BCL10: variants seen among roughly 807,000 people sequenced by gnomAD.
BCL10 encodes the protein BCL10 immune signaling adaptor, also known as B-cell lymphoma/leukemia 10.
BCL10 carries 5 observed loss-of-function variants against 19.2 expected under a neutral mutation model. The observed-to-expected ratio is 0.26, with a 90% confidence interval of 0.14 to 0.55. BCL10 has a LOEUF of 0.55. Ranked by LOEUF, BCL10 falls within the 20% of genes least tolerant of loss-of-function variation. BCL10 has a pLI of 0.94. For synonymous variants in BCL10, 110 were observed against 98.8 expected (o/e 1.11, Z -0.67); for missense variants, 201 against 271.9 (o/e 0.74, Z 1.83).
In BCL10 at chr1:85,276,575, C is replaced by T; in HGVS notation, c.-223G>A. 1 of 599,490 alleles carries T rather than the reference C, an allele frequency of 1.7e-6. No individual in the cohort carries two copies. The highest frequency in any genetic ancestry group is 3.0e-6 in the Non-Finnish European group (1 of 337,980). The allele number at this position is 599,490 out of a possible 1,614,324, so 37.1% of individuals were successfully genotyped here. A position where few individuals can be genotyped will look rare whatever the true frequency, so the allele number is the denominator to read the frequency against. On this transcript the variant is annotated 5_prime_UTR_variant, in exon 1 of 3. Transcript: ENST00000648566. The stretch of plus-strand genomic sequence containing the variant: ...TCGACGGCGACGCGAATCTACGCGA[C>T]GCGACGCGGAGCTCGGAGCAGCGTT...
rs756231389 is a variant in BCL10, at chr1:85,270,678, T to C, written c.286A>G (p.Ile96Val). The change falls in exon 2 of 3, where the codon ATA becomes GTA. Residue 96 changes from isoleucine to valine, a missense_variant. Physicochemically the swap from Ile to Val is conservative, Grantham distance 29 (BLOSUM62 3). Transcript: ENST00000648566. ...IRREKTQNFL[I>V]QKITDEVLKL... ...AGCACTTCATCTGTAATCTTCTGTA[T>C]CAGGAAGTTCTGTGTTTTTTCTCGC... 1.1e-5 allele frequency: 17 copies of C among 1,613,332 alleles called. No homozygotes were observed. In the Admixed American group the frequency reaches 1.7e-4, roughly 16 times the overall value.
intron 2 of BCL10, among the ~76,000 whole-genome samples, chr1:85,268,584 A>G (rs1258478992): frequency 1.3e-5 from 2 of 152,158 alleles, no homozygotes; most frequent in Non-Finnish European, 2.9e-5. Flanking sequence ...CCTGGCCAAC[A>G]TGGCGAAACC....
rs767254446 is a variant in BCL10 at position 85,267,809 on chromosome 1, A to T, written c.520T>A (p.Leu174Met). 1 of 1,614,094 alleles carries T rather than the reference A, an allele frequency of 6.2e-7. No homozygotes were observed. Among genetic ancestry groups the T allele is most frequent in the South Asian group, 1.1e-5 (1 of 91,088 alleles). The stretch of plus-strand genomic sequence containing the variant: ...GTTCTGCCTACTTCTAGAACAGGCA[A>T]ATTCAGAGAAGAATTAGTAGAAAAA... ...PFFSTNSSLN[L>M]PVLEVGRTEN... The change falls in exon 3 of 3, where the codon TTG (leucine) becomes ATG (methionine). Residue 174 changes from leucine (L) to methionine (M), a missense_variant. Physicochemically the swap from Leu to Met is conservative, Grantham distance 15. This residue lies in a region of BCL10 where 126 missense variants were observed against 136.6 expected (regional missense o/e 0.92). Transcript: ENST00000648566.
rs2100743592 is a variant in BCL10, at chr1:85,267,883, G to A, written c.446C>T (p.Ala149Val). Residue 149 changes from alanine to valine, a missense_variant, in exon 3 of 3, where the codon GCA (alanine) becomes GTA (valine). By Grantham distance (64) the Ala-to-Val change is moderately conservative. Coordinates refer to ENST00000648566, the MANE Select transcript of BCL10 (RefSeq NM_003921.5). The part of the protein sequence containing the change: ...DESNFSEKLR[A>V]STVMYHPEGE... ...TTCTGGATGGTACATGACAGTGGAT[G>A]CCCTCAGTTTTTCAGAGAAATTACT... 2 of 1,614,076 alleles carry A rather than the reference G, an allele frequency of 1.2e-6. No homozygotes were observed. The highest frequency in any genetic ancestry group is 1.7e-6 in the Non-Finnish European group (2 of 1,179,980).
At chr1:85,268,768 CAAAA>C (rs57560275) in intron 2 of BCL10, among the ~76,000 whole-genome samples, 1 of 67,076 alleles carries the variant, frequency 1.5e-5, no homozygotes, top group Non-Finnish European at 3.2e-5. Flanking sequence ...GACTCCGTCT[CAAAA>C]AAAAAAAAAA....
chr1:85,265,936 C>CCTT lies in BCL10; in HGVS notation c.*1690_*1691insAAG, dbSNP rs1436041417. ...TCCACAAATTTAATTTTAAAGTCTG[C>CCTT]TTCTGCTTTTTAAAGCACCTTCCTT... On this transcript the variant is annotated 3_prime_UTR_variant, in exon 3 of 3. Coordinates refer to ENST00000648566, the MANE Select transcript of BCL10 (RefSeq NM_003921.5). Among the ~76,000 whole-genome samples the CCTT allele has an allele frequency of 2.0e-5, 3 of 152,100 alleles. No homozygotes were observed. The highest frequency in any genetic ancestry group is 7.2e-5 in the African/African-American group (3 of 41,430).
In BCL10 at chr1:85,266,272, A is replaced by G. The variant is rs910254391; in HGVS notation, c.*1355T>C. 1.1e-5 allele frequency: 2 copies of G among 185,982 alleles called. No homozygotes were observed. The highest frequency in any genetic ancestry group is 2.3e-5 in the Non-Finnish European group (2 of 87,998). The allele number at this position is 185,982 out of a possible 1,614,324, so 11.5% of individuals were successfully genotyped here. ...CTACTTTAAAAAAATTTTATTGTTG[A>G]TAGCAAAATTTCCATTTCTATGTTT... On this transcript the variant is annotated 3_prime_UTR_variant, in exon 3 of 3. Transcript: ENST00000648566.
At chr1:85,271,521 T>A (rs556048663) in intron 1 of BCL10, among the ~76,000 whole-genome samples, 1 of 151,696 alleles carries the variant, frequency 6.6e-6, no homozygotes, top group South Asian at 2.1e-4. Flanking sequence ...ATGAAAGAAA[T>A]AAAGAAAAAG....
At chr1:85,271,927 G>A (rs893935481) in intron 1 of BCL10, among the ~76,000 whole-genome samples, 18 of 152,092 alleles carry the variant, frequency 1.2e-4, no homozygotes, top group Non-Finnish European at 2.5e-4. Context: ...CTAATATGCC[G>A]AGTGCTGAGC....
chr1:85,268,013 A>C lies in BCL10; in HGVS notation c.347-31T>G. 3 of 1,401,198 alleles carry C rather than the reference A, an allele frequency of 2.1e-6. No homozygotes were observed. The African/African-American group carries it at 4.3e-5, about 20-fold the overall frequency. The allele number at this position is 1,401,198 out of a possible 1,614,324, so 86.8% of individuals were successfully genotyped here. A position where few individuals can be genotyped will look rare whatever the true frequency, so the allele number is the denominator to read the frequency against. ...ATAAAATTATTCAGATGTAAATGAA[A>C]AAGTAACTAAAAAAATGGAGTCACT... On this transcript the variant is annotated intron_variant, in intron 2 of 2. Transcript: ENST00000648566.
Position 85,265,793 on chromosome 1 carries a change from T to A in BCL10, c.*1834A>T, listed in dbSNP as rs1660174588. ...AACCTAGCTTTATGCAAAGCTTAAT[T>A]TTATTGTCTATGTAGTTAGAAAACA... On this transcript the variant is annotated 3_prime_UTR_variant, in exon 3 of 3. Coordinates refer to ENST00000648566, the MANE Select transcript of BCL10 (RefSeq NM_003921.5). 6.6e-6 allele frequency among the ~76,000 whole-genome samples: 1 copy of A among 152,174 alleles called. No homozygotes were observed. Among genetic ancestry groups the A allele is most frequent in the Non-Finnish European group, 1.5e-5 (1 of 68,026 alleles).
chr1:85,266,898 A>AAAAAAAAG lies in BCL10; in HGVS notation c.*728_*729insCTTTTTTT, dbSNP rs1660211570. 5.9e-6 allele frequency: 1 copy of AAAAAAAAG among 168,274 alleles called. No homozygotes were observed. The highest frequency in any genetic ancestry group is 1.3e-5 in the Non-Finnish European group (1 of 79,560). The allele number at this position is 168,274 out of a possible 1,614,324, so 10.4% of individuals were successfully genotyped here. ...TCTCAAAAAAAAAAAAAAAAAAAAA[A>AAAAAAAAG]GAAAAAAGGAAAAAATACCTCATCA... On this transcript the variant is annotated 3_prime_UTR_variant, in exon 3 of 3. Coordinates refer to ENST00000648566, the MANE Select transcript of BCL10 (RefSeq NM_003921.5).
At chr1:85,273,139 C>A (rs1660412192) in intron 1 of BCL10, among the ~76,000 whole-genome samples, 1 of 152,152 alleles carries the variant, frequency 6.6e-6, no homozygotes, top group Non-Finnish European at 1.5e-5. Flanking sequence ...CTTGTAGCAC[C>A]TTGTGTATAC....
chr1:85,273,859 C>A (rs1262605364), intron 1 of BCL10, among the ~76,000 whole-genome samples: 1 of 152,158 alleles, frequency 6.6e-6, no homozygotes, highest in Non-Finnish European at 1.5e-5. Context: ...CTATACAATT[C>A]TTCAACAAGT....
chr1:85,269,858 G>A (rs1245727052), intron 2 of BCL10, among the ~76,000 whole-genome samples: 1 of 152,206 alleles, frequency 6.6e-6, no homozygotes, highest in East Asian at 1.9e-4. Context: ...CTGTTTCCAT[G>A]CTTTCACATC....
At chr1:85,269,323 G>T (rs1040563873) in intron 2 of BCL10, among the ~76,000 whole-genome samples, 3 of 152,266 alleles carry the variant, frequency 2.0e-5, no homozygotes, top group Admixed American at 2.0e-4. Context: ...TATCCAAAGG[G>T]TATAGTTAAC....
At chr1:85,274,786 G>GA (rs1660470130) in intron 1 of BCL10, among the ~76,000 whole-genome samples, 1 of 152,052 alleles carries the variant, frequency 6.6e-6, no homozygotes, top group Non-Finnish European at 1.5e-5. Flanking sequence ...AAAATATCAT[G>GA]AAAAAAACCT....
At chr1:85,270,511 C>A in intron 2 of BCL10, 107 bp downstream of exon 2, 1 of 1,012,904 alleles carries the variant, frequency 9.9e-7, no homozygotes, top group South Asian at 1.6e-5. Flanking sequence ...TGACCTCAAG[C>A]AATCCTCCTG....
chr1:85,267,930 G>C lies in BCL10; in HGVS notation c.399C>G (p.Leu133=), dbSNP rs1660249046. The change falls in exon 3 of 3, where the codon CTC becomes CTG. Residue 133 remains leucine (L), a synonymous_variant. Coordinates refer to ENST00000648566, the MANE Select transcript of BCL10 (RefSeq NM_003921.5). ...EPFPDGATNN[L]SRSNSDESNF... ...TACTCTCATCTGAATTTGATCTGGAGAGGTTGTTCGTGGCTCCATCTGGAA... is the reference window on the plus strand; with the variant it reads ...TACTCTCATCTGAATTTGATCTGGACAGGTTGTTCGTGGCTCCATCTGGAA... The C allele has an allele frequency of 6.2e-7, 1 of 1,607,958 alleles. No homozygotes were observed. Among genetic ancestry groups the C allele is most frequent in the Middle Eastern group, 1.7e-4 (1 of 6,028 alleles).
Sources: gnomAD v4.1 joint callset for allele counts (sites outside exome capture counted in the v4.1 genomes callset) on GRCh38, gnomAD v4.1.1 for gene constraint, gnomAD v4.1.1 regional missense constraint, MANE v1.5 for transcripts, NCBI Gene and HGNC (gene_info 2026-07-23, HGNC 2026-07-21) for gene names.